Variants in AXIN1 observed in about 807,000 individuals in gnomAD.
AXIN1 encodes the protein axin 1, also known as axin-1.
Under a neutral mutation model 76.4 loss-of-function variants are expected in AXIN1, and 30 were observed. The ratio of observed to expected loss-of-function variants is 0.39; its 90% CI spans 0.29 to 0.53. AXIN1 has a LOEUF of 0.53. Ranked by LOEUF, AXIN1 falls within the 20% of genes least tolerant of loss-of-function variation. The pLI is 0.66. For missense variants in AXIN1, 1,140 were observed against 1,198.8 expected, an observed-to-expected ratio of 0.95 and a Z score of 0.72; for synonymous variants, 545 against 501.4, an observed-to-expected ratio of 1.09 and a Z score of -1.16.
chr16:350,639 C>G (rs974213206), intron 1 of AXIN1, among the ~76,000 whole-genome samples: 1 of 152,174 alleles, frequency 6.6e-6, no homozygotes, highest in Non-Finnish European at 1.5e-5. Context: ...TGATTTAACT[C>G]TTGAAGGTTC....
At chr16:296,425 T>C (rs1210864588) in intron 7 of AXIN1, among the ~76,000 whole-genome samples, 1 of 152,114 alleles carries the variant, frequency 6.6e-6, no homozygotes, top group Non-Finnish European at 1.5e-5. Context: ...GACAGGAAGG[T>C]GGGGGGTACC....
chr16:319,200 T>C (rs1053230238), intron 2 of AXIN1, among the ~76,000 whole-genome samples: 15 of 152,046 alleles, frequency 9.9e-5, no homozygotes, highest in Non-Finnish European at 1.8e-4. Context: ...GGGTCCGGTG[T>C]GGTGGCGCAC....
At chr16:299,157 C>T (rs1016225093) in intron 5 of AXIN1, 59 of 985,238 alleles carry the variant, frequency 6.0e-5, no homozygotes, top group Non-Finnish European at 6.5e-5. Context: ...CACATGAAGC[C>T]GGTGGAGTTT....
Position 293,805 on chromosome 16 carries a change from C to T in AXIN1, c.1956-87G>A. The T allele has an allele frequency of 7.5e-7, 1 of 1,335,562 alleles. No individual in the cohort carries two copies. Among genetic ancestry groups the T allele is most frequent in the South Asian group, 1.2e-5 (1 of 85,644 alleles). 82.7% of individuals were successfully genotyped at this position (1,335,562 alleles called of 1,614,324 possible). ...GGCTACACTCATCTCACAAGGGCAGCCTCCTTGAGGGATAGGATGGGATGG... is the reference window on the plus strand; with the variant it reads ...GGCTACACTCATCTCACAAGGGCAGTCTCCTTGAGGGATAGGATGGGATGG... On this transcript the variant is annotated intron_variant, in intron 7 of 10. Coordinates refer to ENST00000262320, the MANE Select transcript of AXIN1 (RefSeq NM_003502.4). The surrounding 1 kb of genome is among the most constrained non-coding windows in gnomAD (Gnocchi z 4.6).
At position 314,481 on chromosome 16, in the gene AXIN1, G is replaced by C. The variant is rs1380325299; in HGVS notation, c.1019+62C>G. On this transcript the variant is annotated intron_variant, in intron 3 of 10. Coordinates refer to ENST00000262320, the MANE Select transcript of AXIN1 (RefSeq NM_003502.4). ...CATTGCTGTCCTCAAGGGACAAGGT[G>C]TCTGGGACCGGACTTACACACTGCT... 3 of 1,608,380 alleles carry C rather than the reference G, an allele frequency of 1.9e-6. No homozygotes were observed. In the South Asian group the frequency reaches 3.3e-5, roughly 18 times the overall value.
intron 3 of AXIN1, among the ~76,000 whole-genome samples, chr16:310,758 C>G (rs996278502): frequency 6.6e-6 from 1 of 152,226 alleles, no homozygotes; most frequent in African/African-American, 2.4e-5. Flanking sequence ...CTGCATGCGG[C>G]TGCAAAGCCT....
chr16:298,382 C>G, intron 5 of AXIN1, 131 bp from the exon 6 acceptor site: 2 of 1,128,372 alleles, frequency 1.8e-6, no homozygotes, highest in Non-Finnish European at 2.6e-6. Flanking sequence ...GGGCCCCTCG[C>G]CACCGGTCCT....
chr16:328,704 A>G (rs2053630385), intron 2 of AXIN1, among the ~76,000 whole-genome samples: 1 of 152,134 alleles, frequency 6.6e-6, no homozygotes. Context: ...GTCAAAAAAA[A>G]TAATAATAAA....
chr16:295,880 T>C (rs913141908), intron 7 of AXIN1, among the ~76,000 whole-genome samples: 1 of 152,166 alleles, frequency 6.6e-6, no homozygotes, highest in African/African-American at 2.4e-5. Context: ...GGCAGGAGAA[T>C]TGCTTGAACC....
intron 6 of AXIN1, 120 bp downstream of exon 6, chr16:297,602 G>A (rs1806166706): frequency 2.2e-6 from 3 of 1,362,388 alleles, no homozygotes; most frequent in Non-Finnish European, 2.9e-6. Flanking sequence ...CTCCAGCAGA[G>A]GGGCCTCCTG....
chr16:346,264 A>C lies in AXIN1; in HGVS notation c.762T>G (p.Asp254Glu). The C allele has an allele frequency of 6.2e-7, 1 of 1,613,938 alleles. No individual in the cohort carries two copies. The highest frequency in any genetic ancestry group is 2.2e-5 in the East Asian group (1 of 44,844). ...GAGCAGCGTCTCTGCCATCGTCCTC[A>C]TCCATGTCCTGGTCACACTTCCATT... ...DEEWKCDQDM[D>E]EDDGRDAAPP... Residue 254 changes from aspartate to glutamate, a missense_variant, in exon 2 of 11, where the codon GAT becomes GAG. Asp to Glu is a conservative substitution (Grantham distance 45, BLOSUM62 2). This residue lies in a region of AXIN1 where 708 missense variants were observed against 776.9 expected (regional missense o/e 0.91). Transcript: ENST00000262320.
intron 2 of AXIN1, among the ~76,000 whole-genome samples, chr16:315,832 G>GAAA (rs922939817): frequency 5.5e-5 from 4 of 72,662 alleles, no homozygotes; most frequent in Non-Finnish European, 1.1e-4. Context: ...TGTCTCAAAA[G>GAAA]AAAAAAAAAA....
At chr16:305,712 T>A (rs979643601) in intron 4 of AXIN1, among the ~76,000 whole-genome samples, 2 of 151,686 alleles carry the variant, frequency 1.3e-5, no homozygotes, top group Non-Finnish European at 2.9e-5. Context: ...CCCGGCTAAT[T>A]TTTTTGTATT....
At chr16:316,796 G>A (rs527979131) in intron 2 of AXIN1, among the ~76,000 whole-genome samples, 2 of 152,306 alleles carry the variant, frequency 1.3e-5, no homozygotes, top group Admixed American at 1.3e-4. Context: ...TGCCTAACTT[G>A]TAAGTTAAAT....
At chr16:290,093 G>A (rs1430877701) in intron 9 of AXIN1, 5 of 221,508 alleles carry the variant, frequency 2.3e-5, no homozygotes, top group Non-Finnish European at 4.5e-5. Context: ...GGGCAGGGCT[G>A]GCACCGTCTC....
chr16:293,810 T>G lies in AXIN1; in HGVS notation c.1956-92A>C, dbSNP rs1428156786. 2 of 1,288,424 alleles carry G rather than the reference T, an allele frequency of 1.6e-6. No homozygotes were observed. The highest frequency in any genetic ancestry group is 3.4e-5 in the Admixed American group (2 of 59,272). 79.8% of individuals were successfully genotyped at this position (1,288,424 alleles called of 1,614,324 possible). A position where few individuals can be genotyped will look rare whatever the true frequency, so the allele number is the denominator to read the frequency against. On this transcript the variant is annotated intron_variant, in intron 7 of 10. Transcript: ENST00000262320. This position sits in a 1 kb window ranked among gnomAD's most constrained non-coding sequence, Gnocchi z 4.6. ...CACTCATCTCACAAGGGCAGCCTCCTTGAGGGATAGGATGGGATGGGGCAC... is the reference window on the plus strand; with the variant it reads ...CACTCATCTCACAAGGGCAGCCTCCGTGAGGGATAGGATGGGATGGGGCAC...
In AXIN1 at chr16:297,133, C is replaced by T. The variant is rs1308290604; in HGVS notation, c.1878G>A (p.Ala626=). 5.6e-6 allele frequency: 9 copies of T among 1,612,710 alleles called. No individual in the cohort carries two copies. The highest frequency in any genetic ancestry group is 1.6e-4 in the Middle Eastern group (1 of 6,062). Residue 626 remains alanine, a synonymous_variant, in exon 7 of 11, where the codon GCG becomes GCA. Coordinates refer to ENST00000262320, the MANE Select transcript of AXIN1 (RefSeq NM_003502.4). Reference sequence around the variant, plus strand: ...ACTGCATGATTTTCTGGTTCTTCTCCGCATCCTCCGAGGCACCTGGCACCT... The same window carrying T: ...ACTGCATGATTTTCTGGTTCTTCTCTGCATCCTCCGAGGCACCTGGCACCT... ...STEVPGASED[A]EKNQKIMQWI... is the part of the protein sequence containing the mutation.
intron 2 of AXIN1, among the ~76,000 whole-genome samples, chr16:340,651 C>T (rs918751758): frequency 9.2e-5 from 14 of 152,258 alleles, no homozygotes; most frequent in African/African-American, 2.9e-4. Flanking sequence ...CAAAGTTCCA[C>T]TGACAATGGG....
rs1567277221 is a variant in AXIN1 at position 310,076 on chromosome 16, A to C, written c.1020-7T>G. 1 of 1,604,502 alleles carries C rather than the reference A, an allele frequency of 6.2e-7. No individual in the cohort carries two copies. The highest frequency in any genetic ancestry group is 1.3e-5 in the African/African-American group (1 of 74,692). ...GTATGGGGGGATCCCATCCCTGTCCAGGAGAAAGAGGCAGCCGTTAACTCA... is the reference window on the plus strand; with the variant it reads ...GTATGGGGGGATCCCATCCCTGTCCCGGAGAAAGAGGCAGCCGTTAACTCA... On this transcript the variant is annotated splice_region_variant and splice_polypyrimidine_tract_variant and intron_variant, in intron 3 of 10. Coordinates refer to ENST00000262320, the MANE Select transcript of AXIN1 (RefSeq NM_003502.4).
Sources: gnomAD v4.1 joint callset for allele counts (sites outside exome capture counted in the v4.1 genomes callset) on GRCh38, gnomAD v4.1.1 for gene constraint, gnomAD v4.1.1 regional missense constraint, Gnocchi (gnomAD v3.1) non-coding constraint, MANE v1.5 for transcripts, NCBI Gene and HGNC (gene_info 2026-07-23, HGNC 2026-07-21) for gene names.